Variants in CEP41 observed in about 807,000 individuals in gnomAD.
CEP41 encodes centrosomal protein 41.
A neutral mutation model predicts 44.3 loss-of-function variants in CEP41; 32 were observed. That is an observed-to-expected ratio of 0.72 (90% CI 0.54 to 0.97). The LOEUF (loss-of-function observed/expected upper bound fraction) is 0.97, where lower values mean the gene tolerates loss of function less well. Ranked by LOEUF, CEP41 falls within the 50% of genes least tolerant of loss-of-function variation. The pLI is 0.00. For synonymous variants in CEP41, 151 were observed against 168.5 expected, an observed-to-expected ratio of 0.90 and a Z score of 0.80; for missense variants, 432 against 455.2, an observed-to-expected ratio of 0.95 and a Z score of 0.46.
rs1554413973 is a variant in CEP41 at position 130,395,073 on chromosome 7, C to T, written c.*3818G>A. 2.2e-6 allele frequency: 1 copy of T among 454,094 alleles called. No individual in the cohort carries two copies. The highest frequency in any genetic ancestry group is 6.9e-5 in the East Asian group (1 of 14,390). 28.1% of individuals were successfully genotyped at this position (454,094 alleles called of 1,614,324 possible). A position where few individuals can be genotyped will look rare whatever the true frequency, so the allele number is the denominator to read the frequency against. ...ATAAAATCATGCACCGAATCCTGTTCTGCCTGAATTCAAGGCTGACAAATT... is the reference window on the plus strand; with the variant it reads ...ATAAAATCATGCACCGAATCCTGTTTTGCCTGAATTCAAGGCTGACAAATT... On this transcript the variant is annotated 3_prime_UTR_variant, in exon 11 of 11. Transcript: ENST00000223208.
chr7:130,416,622 C>A (rs1325377410), intron 3 of CEP41, among the ~76,000 whole-genome samples: 1 of 152,198 alleles, frequency 6.6e-6, no homozygotes, highest in Non-Finnish European at 1.5e-5. Context: ...GACTGCAGTA[C>A]AATGACACTA....
Position 130,398,783 on chromosome 7 carries a change from G to A in CEP41, c.*108C>T, listed in dbSNP as rs1796750295. ...GGGAAGAGGCCTATCCCATACATAT[G>A]TCATGGTCTTTCCTCTGCAGAAGTT... On this transcript the variant is annotated 3_prime_UTR_variant, in exon 11 of 11. Transcript: ENST00000223208. 1 of 1,318,682 alleles carries A rather than the reference G, an allele frequency of 7.6e-7. No individual in the cohort carries two copies. Among genetic ancestry groups the A allele is most frequent in the African/African-American group, 1.4e-5 (1 of 69,382 alleles). The allele number at this position is 1,318,682 out of a possible 1,614,324, so 81.7% of individuals were successfully genotyped here.
At chr7:130,421,626 T>C (rs1343380765) in intron 2 of CEP41, 1 of 1,010,522 alleles carries the variant, frequency 9.9e-7, no homozygotes. Flanking sequence ...AGGGAATGAA[T>C]AGTTTGTCTA....
intron 6 of CEP41, 48 bp downstream of exon 6, chr7:130,404,516 T>C (rs782002412): frequency 6.4e-6 from 10 of 1,552,596 alleles, no homozygotes; most frequent in Admixed American, 1.7e-5. Flanking sequence ...GGCGTCTAGA[T>C]TAATATAAAG....
chr7:130,422,592 C>A (rs1235287560), intron 2 of CEP41, among the ~76,000 whole-genome samples: 2 of 152,066 alleles, frequency 1.3e-5, no homozygotes, highest in African/African-American at 4.8e-5. Flanking sequence ...AGGTAAGTCA[C>A]AAAAATGCAC....
chr7:130,409,802 T>C (rs185941130), intron 5 of CEP41, among the ~76,000 whole-genome samples: 1 of 152,278 alleles, frequency 6.6e-6, no homozygotes, highest in Admixed American at 6.5e-5. Context: ...AAATGGAGCC[T>C]ACCTGTCTTT....
At chr7:130,422,862 C>T (rs1298532394) in intron 2 of CEP41, among the ~76,000 whole-genome samples, 1 of 152,124 alleles carries the variant, frequency 6.6e-6, no homozygotes, top group Non-Finnish European at 1.5e-5. Flanking sequence ...AGAAAACCCT[C>T]GATAACCCAC....
rs781814259 is a variant in CEP41 at position 130,402,788 on chromosome 7, C to T, written c.434G>A (p.Gly145Asp). The T allele has an allele frequency of 6.2e-6, 10 of 1,613,998 alleles. No homozygotes were observed. Among genetic ancestry groups the T allele is most frequent in the African/African-American group, 4.0e-5 (3 of 74,918 alleles). ...SRSTLQSVIS[G>D]VGELDLDKGP... ...TTTGTCTAGATCCAGTTCCCCAACA[C>T]CACTGATGACACTGCAAGTGAAAAA... is the stretch of plus-strand genomic sequence containing the variant. Residue 145 changes from glycine to aspartate, a missense_variant, in exon 7 of 11, where the codon GGT becomes GAT. By Grantham distance (94) the Gly-to-Asp change is moderately conservative. Coordinates refer to ENST00000223208, the MANE Select transcript of CEP41 (RefSeq NM_018718.3).
intron 5 of CEP41, among the ~76,000 whole-genome samples, chr7:130,405,507 G>C (rs1436097001): frequency 1.3e-5 from 2 of 152,174 alleles, no homozygotes; most frequent in African/African-American, 4.8e-5. Flanking sequence ...ATCAGGAACC[G>C]AAGTATGGGG....
chr7:130,416,002 C>T (rs782556317), intron 3 of CEP41, among the ~76,000 whole-genome samples: 1 of 152,200 alleles, frequency 6.6e-6, no homozygotes, highest in African/African-American at 2.4e-5. Context: ...CCTGAGTCCA[C>T]ATCTATTGGT....
chr7:130,408,282 T>G (rs1562982193), intron 5 of CEP41, among the ~76,000 whole-genome samples: 1 of 152,362 alleles, frequency 6.6e-6, no homozygotes, highest in South Asian at 2.1e-4. Context: ...TTACTTAATA[T>G]AGCCTGGAAA....
chr7:130,441,133 G>A (rs782379252), upstream of CEP41: 7 of 755,060 alleles, frequency 9.3e-6, no homozygotes, highest in Non-Finnish European at 4.6e-6. Flanking sequence ...TCATCTCAGG[G>A]TCGCAGAAGG....
chr7:130,419,223 A>T (rs1797425058), intron 2 of CEP41: 2 of 985,304 alleles, frequency 2.0e-6, no homozygotes, highest in South Asian at 4.7e-5. Context: ...TGAGAGGACT[A>T]CTGATGAGTT....
chr7:130,421,885 A>G, intron 2 of CEP41: 1 of 1,516,028 alleles, frequency 6.6e-7, no homozygotes, highest in African/African-American at 1.4e-5. Flanking sequence ...AGGGTGCTTG[A>G]GAATATACAA....
upstream of CEP41, chr7:130,441,307 G>T: frequency 2.1e-6 from 1 of 466,650 alleles, no homozygotes; most frequent in Admixed American, 3.4e-5. Flanking sequence ...GGGGGCAGTG[G>T]CTTGAGAGCC....
chr7:130,427,976 T>C lies in CEP41; in HGVS notation c.76A>G (p.Ile26Val), dbSNP rs1554424111. ...RIPQNPRYQH[I>V]KSRLDTGNSM... ...TCACCAGTGTCCAGTCTTGATTTGA[T>C]ATGCTGGTATCTTGGGTTCTGTGGT... Residue 26 changes from isoleucine (I) to valine (V), a missense_variant, in exon 2 of 11, where the codon ATC (isoleucine) becomes GTC (valine). Physicochemically the swap from Ile to Val is conservative, Grantham distance 29. Coordinates refer to ENST00000223208, the MANE Select transcript of CEP41 (RefSeq NM_018718.3). The C allele has an allele frequency of 1.2e-6, 2 of 1,607,614 alleles. No individual in the cohort carries two copies. Among genetic ancestry groups the C allele is most frequent in the South Asian group, 1.1e-5 (1 of 90,962 alleles).
At position 130,410,087 on chromosome 7, in the gene CEP41, G is replaced by A. The variant is rs183220813; in HGVS notation, c.277+1035C>T. Among the ~76,000 whole-genome samples, 999 of 146,920 alleles carry A rather than the reference G, an allele frequency of 6.8e-3. 11 individuals are homozygous for A. The highest frequency in any genetic ancestry group is 0.023 in the African/African-American group (927 of 39,586). The stretch of plus-strand genomic sequence containing the variant: ...GTTGCCCAGGCTGGAGTGCAATGGC[G>A]TAGTCTCAGCTCACTGCAACCTCCG... On this transcript the variant is annotated intron_variant, in intron 5 of 10. Transcript: ENST00000223208.
intron 2 of CEP41, chr7:130,419,975 AT>A (rs1797453931): frequency 1.0e-6 from 1 of 984,902 alleles, no homozygotes. Context: ...ACACACACGT[AT>A]GAATAATCTT....
At chr7:130,402,505 AC>A (rs1316275790) in intron 7 of CEP41, 142 bp downstream of exon 7, 21 of 885,774 alleles carry the variant, frequency 2.4e-5, no homozygotes, top group African/African-American at 2.3e-4. Context: ...GGTGGAGCCA[AC>A]CCTATAGGAT....
Sources: gnomAD v4.1 joint callset for allele counts (sites outside exome capture counted in the v4.1 genomes callset) on GRCh38, gnomAD v4.1.1 for gene constraint, MANE v1.5 for transcripts, NCBI Gene and HGNC (gene_info 2026-07-23, HGNC 2026-07-21) for gene names.